Variants in RASEF observed in about 807,000 individuals in gnomAD.
RASEF encodes the protein ras and EF-hand domain-containing protein.
In RASEF, 68 loss-of-function variants were observed where a neutral mutation model predicts 90.1. That is an observed-to-expected ratio of 0.75 (90% confidence interval 0.62 to 0.92). The LOEUF is 0.92. Ranked by LOEUF, RASEF falls within the 40% of genes least tolerant of loss-of-function variation. RASEF has a pLI of 0.00. For synonymous variants in RASEF, 331 were observed against 345.2 expected (o/e 0.96, Z 0.46); for missense variants, 949 against 937.2 (o/e 1.01, Z -0.16).
chr9:83,034,991 T>G (rs1829714173), intron 1 of RASEF, among the ~76,000 whole-genome samples: 1 of 152,124 alleles, frequency 6.6e-6, no homozygotes, highest in Admixed American at 6.5e-5. Flanking sequence ...AAGTAGATGG[T>G]TGTCTCCTGT....
intron 15 of RASEF, 62 bp from the exon 16 acceptor site, chr9:82,990,529 C>A: frequency 8.2e-7 from 1 of 1,214,426 alleles, no homozygotes; most frequent in South Asian, 1.3e-5. Flanking sequence ...GAAATTTTAG[C>A]TTTTAAAATC....
chr9:83,210,474 A>G, the RASEF span, among the ~76,000 whole-genome samples: 6 of 152,328 alleles, frequency 3.9e-5, no homozygotes, highest in South Asian at 1.2e-3. Context: ...GTCATGCATG[A>G]TAAGGGCCCT....
chr9:83,094,889 G>C, the RASEF span, among the ~76,000 whole-genome samples: 14 of 152,234 alleles, frequency 9.2e-5, no homozygotes, highest in Non-Finnish European at 1.3e-4. Context: ...TAGGCTACTT[G>C]TTTCTCTTGT....
the RASEF span, among the ~76,000 whole-genome samples, chr9:83,113,493 G>A: frequency 1.8e-4 from 27 of 152,190 alleles, no homozygotes; most frequent in African/African-American, 6.3e-4. Context: ...GACTGTCTGC[G>A]GGGTCTGGCA....
At chr9:83,127,323 C>CT in the RASEF span, among the ~76,000 whole-genome samples, 1 of 152,126 alleles carries the variant, frequency 6.6e-6, no homozygotes, top group Admixed American at 6.5e-5. Context: ...GAAGGAGATG[C>CT]TTTTTTCTGT....
the RASEF span, among the ~76,000 whole-genome samples, chr9:83,114,946 A>G: frequency 3.3e-5 from 5 of 152,096 alleles, no homozygotes; most frequent in Non-Finnish European, 5.9e-5. Flanking sequence ...CCCACATCCT[A>G]TTCATACACT....
intron 3 of RASEF, among the ~76,000 whole-genome samples, chr9:83,019,135 A>T (rs190354255): frequency 1.3e-5 from 2 of 152,272 alleles, no homozygotes; most frequent in East Asian, 3.9e-4. Context: ...TCCATAAAAA[A>T]TTAAAAATTT....
chr9:83,000,054 T>A (rs1470529482), intron 12 of RASEF, 115 bp downstream of exon 12: 7 of 827,518 alleles, frequency 8.5e-6, no homozygotes, highest in Admixed American at 2.2e-5. Flanking sequence ...TATGTGTGCA[T>A]ACACAGAGAA....
chr9:83,205,906 G>A, the RASEF span, among the ~76,000 whole-genome samples: 1 of 152,060 alleles, frequency 6.6e-6, no homozygotes, highest in African/African-American at 2.4e-5. Context: ...TCCTATAGCT[G>A]GTCATTCTGA....
chr9:83,180,885 T>TA, the RASEF span, among the ~76,000 whole-genome samples: 2,333 of 151,744 alleles, frequency 0.015, 69 homozygotes, highest in African/African-American at 0.054. Flanking sequence ...TTAGCTACGT[T>TA]AAAAAAAATT....
chr9:82,983,107 CCACACACACACACACA>C (rs10539196), intron 16 of RASEF, among the ~76,000 whole-genome samples: 9 of 128,650 alleles, frequency 7.0e-5, no homozygotes, highest in South Asian at 5.9e-4. Context: ...GAGTACCAGG[CCACACACACACACACA>C]CACACACACA....
chr9:83,180,555 TCA>T, the RASEF span, among the ~76,000 whole-genome samples: 338 of 151,994 alleles, frequency 2.2e-3, no homozygotes, highest in Non-Finnish European at 2.8e-3. Flanking sequence ...ATGGCATGAA[TCA>T]CAGAAAAATT....
chr9:83,013,674 A>G (rs1030099862), intron 4 of RASEF, among the ~76,000 whole-genome samples: 9 of 152,192 alleles, frequency 5.9e-5, no homozygotes, highest in Admixed American at 1.3e-4. Flanking sequence ...AGATGGCTTC[A>G]TCAGTTATTA....
chr9:83,103,025 C>A, the RASEF span, among the ~76,000 whole-genome samples: 1 of 152,330 alleles, frequency 6.6e-6, no homozygotes, highest in East Asian at 1.9e-4. Flanking sequence ...CGGGCCACTT[C>A]CCTCTGGCCC....
intron 1 of RASEF, among the ~76,000 whole-genome samples, chr9:83,053,615 A>G (rs939445817): frequency 7.9e-6 from 1 of 126,652 alleles, no homozygotes; most frequent in African/African-American, 3.6e-5. Flanking sequence ...TTTGCTCATT[A>G]GTTGATGCAG....
At chr9:83,020,701 T>A (rs769370681) in intron 3 of RASEF, among the ~76,000 whole-genome samples, 4 of 152,126 alleles carry the variant, frequency 2.6e-5, no homozygotes, top group Non-Finnish European at 5.9e-5. Flanking sequence ...TAACAAAACA[T>A]GAAATTCTAA....
At chr9:83,046,596 C>T (rs1208732125) in intron 1 of RASEF, among the ~76,000 whole-genome samples, 1 of 152,218 alleles carries the variant, frequency 6.6e-6, no homozygotes, top group Non-Finnish European at 1.5e-5. Flanking sequence ...CACTAGTTTA[C>T]AGCATTCCCA....
Position 82,982,795 on chromosome 9 carries a change from T to A in RASEF, c.2118-13A>T, listed in dbSNP as rs773538200. 1 of 1,335,704 alleles carries A rather than the reference T, an allele frequency of 7.5e-7. No individual in the cohort carries two copies. Among genetic ancestry groups the A allele is most frequent in the African/African-American group, 1.7e-5 (1 of 59,562 alleles). 82.7% of individuals were successfully genotyped at this position (1,335,704 alleles called of 1,614,324 possible). On this transcript the variant is annotated splice_polypyrimidine_tract_variant and intron_variant, in intron 16 of 16. Coordinates refer to ENST00000376447, the MANE Select transcript of RASEF (RefSeq NM_152573.4). ...CTTTTTCACTTCTCTGAGACAGAGA[T>A]AGAGAGAGACAGAGAGAGAGAGAGA...
intron 2 of RASEF, among the ~76,000 whole-genome samples, chr9:83,023,351 G>A (rs563724452): frequency 2.3e-4 from 35 of 152,290 alleles, no homozygotes; most frequent in African/African-American, 8.4e-4. Context: ...TAAACCATGA[G>A]CTTTAGAGGT....
Sources: allele counts gnomAD v4.1 joint callset (sites outside exome capture counted in the v4.1 genomes callset), GRCh38; gene constraint gnomAD v4.1.1; transcripts MANE v1.5; gene names NCBI Gene and HGNC (gene_info 2026-07-23, HGNC 2026-07-21).